SPAG17: variants seen among roughly 807,000 people sequenced by gnomAD.
SPAG17 encodes the protein sperm associated antigen 17.
SPAG17 carries 169 observed loss-of-function variants against 273.6 expected under a neutral mutation model. That is an observed-to-expected ratio of 0.62 (90% CI 0.55 to 0.70). SPAG17 has a LOEUF of 0.70. SPAG17 is among the 30% of genes least tolerant of loss of function. The probability of loss-of-function intolerance (pLI) is 0.00; values close to 1 mark genes in which losing one functional copy is unlikely to be tolerated. For missense variants in SPAG17, 2,557 were observed against 2,627.8 expected (o/e 0.97, Z 0.59); for synonymous variants, 825 against 873.2 (o/e 0.94, Z 0.97).
At chr1:118,085,155 G>A (rs182987734) in intron 13 of SPAG17, among the ~76,000 whole-genome samples, 57 of 152,144 alleles carry the variant, frequency 3.7e-4, no homozygotes, top group African/African-American at 1.3e-3. Flanking sequence ...TTACCCTGGT[G>A]AACATTCCTG....
chr1:117,964,899 T>A (rs1285711797), intron 47 of SPAG17: 1 of 152,208 alleles, frequency 6.6e-6, no homozygotes, highest in Non-Finnish European at 1.5e-5. Context: ...CAGCTCTGTT[T>A]TTTATTATTC....
chr1:117,999,291 C>A (rs990746303), intron 32 of SPAG17, among the ~76,000 whole-genome samples: 2 of 152,150 alleles, frequency 1.3e-5, no homozygotes, highest in South Asian at 2.1e-4. Context: ...AGTAAACATA[C>A]GTGTGCATGT....
At chr1:118,044,147 T>C (rs1557949413) in intron 20 of SPAG17, among the ~76,000 whole-genome samples, 1 of 152,234 alleles carries the variant, frequency 6.6e-6, no homozygotes, top group African/African-American at 2.4e-5. Flanking sequence ...CATATATGTA[T>C]ACTTTTGTTT....
At chr1:118,063,062 C>T (rs556549281) in intron 18 of SPAG17, among the ~76,000 whole-genome samples, 7 of 152,206 alleles carry the variant, frequency 4.6e-5, no homozygotes, top group Admixed American at 1.3e-4. Flanking sequence ...GAACTACAAA[C>T]CAGTGCTCAA....
intron 3 of SPAG17, among the ~76,000 whole-genome samples, chr1:118,147,154 T>G (rs1659050738): frequency 6.6e-6 from 1 of 152,224 alleles, no homozygotes; most frequent in African/African-American, 2.4e-5. Context: ...AGCTTGTTCT[T>G]AAGCTTCCTG....
chr1:118,106,982 A>C (rs1656438080), intron 4 of SPAG17, among the ~76,000 whole-genome samples: 1 of 152,182 alleles, frequency 6.6e-6, no homozygotes, highest in African/African-American at 2.4e-5. Context: ...GGGATTCTGC[A>C]GAAAGGAGGG....
At chr1:118,022,578 A>G (rs1286067655) in intron 28 of SPAG17, among the ~76,000 whole-genome samples, 4 of 152,192 alleles carry the variant, frequency 2.6e-5, no homozygotes, top group African/African-American at 9.6e-5. Context: ...GAGGAAGTAG[A>G]CATTTTCATG....
At chr1:118,062,289 C>G (rs1380486154) in intron 18 of SPAG17, among the ~76,000 whole-genome samples, 1 of 141,052 alleles carries the variant, frequency 7.1e-6, no homozygotes, top group Non-Finnish European at 1.5e-5. Flanking sequence ...ATGGCACGAA[C>G]CCGGGAGGCG....
chr1:117,962,367 C>G (rs575794548), intron 48 of SPAG17: 3 of 152,232 alleles, frequency 2.0e-5, no homozygotes, highest in Admixed American at 2.0e-4. Flanking sequence ...CCTTAGTCAG[C>G]CATTGGCTGT....
intron 1 of SPAG17, among the ~76,000 whole-genome samples, chr1:118,175,587 A>C (rs192572593): frequency 6.6e-6 from 1 of 151,932 alleles, no homozygotes; most frequent in East Asian, 1.9e-4. Context: ...AAAAAAAAAA[A>C]AAAAACTGCC....
intron 43 of SPAG17, among the ~76,000 whole-genome samples, chr1:117,974,953 A>T (rs1354764752): frequency 2.0e-5 from 3 of 152,034 alleles, no homozygotes; most frequent in African/African-American, 7.2e-5. Flanking sequence ...TCTCTATGCA[A>T]ACTCCTGCCA....
At chr1:118,113,299 C>G (rs376456115) in intron 4 of SPAG17, among the ~76,000 whole-genome samples, 1 of 152,078 alleles carries the variant, frequency 6.6e-6, no homozygotes, top group East Asian at 1.9e-4. Flanking sequence ...GTCCTCTTTT[C>G]TTTTTTTCAT....
chr1:118,038,107 T>TA (rs1235093540), intron 23 of SPAG17, among the ~76,000 whole-genome samples: 1 of 152,020 alleles, frequency 6.6e-6, no homozygotes, highest in African/African-American at 2.4e-5. Flanking sequence ...AAAACCTGAT[T>TA]AAAAAATGGG....
At position 118,054,041 on chromosome 1, in the gene SPAG17, C is replaced by G; in HGVS notation, c.2775G>C (p.Glu925Asp). The change falls in exon 20 of 49, where the codon GAG becomes GAC. Residue 925 changes from glutamate to aspartate, a missense_variant. Physicochemically the swap from Glu to Asp is conservative, Grantham distance 45. Transcript: ENST00000336338. ...CTAAAATGAAAGGAATCTTTTCCTTCTCTTTTTCTTTTTCTTGATCTGATA... is the reference window on the plus strand; with the variant it reads ...CTAAAATGAAAGGAATCTTTTCCTTGTCTTTTTCTTTTTCTTGATCTGATA... ...TEISDQEKEK[E>D]KEKIPFILEG... The G allele has an allele frequency of 6.2e-7, 1 of 1,608,762 alleles. No individual in the cohort carries two copies. The highest frequency in any genetic ancestry group is 1.3e-5 in the African/African-American group (1 of 74,896).
intron 40 of SPAG17, 150 bp from the exon 41 acceptor site, chr1:117,984,932 C>T: frequency 6.6e-6 from 4 of 607,616 alleles, no homozygotes; most frequent in Non-Finnish European, 1.2e-5. Context: ...TTTTTGTCAA[C>T]TTGTTTTGGT....
chr1:118,023,587 C>T, intron 27 of SPAG17, 124 bp from the exon 28 acceptor site: 1 of 807,742 alleles, frequency 1.2e-6, no homozygotes, highest in Non-Finnish European at 1.8e-6. Flanking sequence ...TGTTTGCAGA[C>T]CTCCAGACCC....
intron 2 of SPAG17, among the ~76,000 whole-genome samples, chr1:118,150,985 G>T (rs1161058696): frequency 1.3e-5 from 2 of 152,036 alleles, no homozygotes; most frequent in Admixed American, 6.5e-5. Context: ...ACCTAGCATG[G>T]TGCCTGGTAT....
intron 5 of SPAG17, among the ~76,000 whole-genome samples, chr1:118,101,241 C>T (rs1656047848): frequency 6.6e-6 from 1 of 152,104 alleles, no homozygotes. Flanking sequence ...ATAGAGAGAT[C>T]CTGTCTCTAC....
rs1032115986 is a variant in SPAG17, at chr1:117,983,849, T to C, written c.5834A>G (p.Asn1945Ser). ...PSFTKKNEDA[N>S]ETAVQDTSDL... Reference sequence around the variant, plus strand: ...AGATGTATCTTGAACAGCTGTTTCGTTTGCATCTTCATTTTTCTTTGTAAA... The same window carrying C: ...AGATGTATCTTGAACAGCTGTTTCGCTTGCATCTTCATTTTTCTTTGTAAA... Residue 1945 changes from asparagine to serine, a missense_variant, in exon 42 of 49, where the codon AAC becomes AGC. Asn to Ser is a conservative substitution (Grantham distance 46). Coordinates refer to ENST00000336338, the MANE Select transcript of SPAG17 (RefSeq NM_206996.4). 2.5e-6 allele frequency: 4 copies of C among 1,613,100 alleles called. No homozygotes were observed. Among genetic ancestry groups the C allele is most frequent in the East Asian group, 2.2e-5 (1 of 44,814 alleles).
Sources: allele counts gnomAD v4.1 joint callset (sites outside exome capture counted in the v4.1 genomes callset), GRCh38; gene constraint gnomAD v4.1.1; transcripts MANE v1.5; gene names NCBI Gene and HGNC (gene_info 2026-07-23, HGNC 2026-07-21).